GRID1: variants seen among roughly 807,000 people sequenced by gnomAD.
GRID1 encodes the protein glutamate ionotropic receptor delta type subunit 1.
GRID1 carries 28 observed loss-of-function variants against 98.0 expected under a neutral mutation model. The observed-to-expected ratio is 0.29, with a 90% CI of 0.21 to 0.39. The LOEUF (loss-of-function observed/expected upper bound fraction) is 0.39, where lower values mean the gene tolerates loss of function less well. GRID1 is among the 10% of genes least tolerant of loss of function. The pLI is 1.00. For synonymous variants in GRID1, 553 were observed against 538.5 expected (o/e 1.03, Z -0.37); for missense variants, 1,111 against 1,340.5 (o/e 0.83, Z 2.67).
At chr10:86,025,395 T>A (rs951879045) in intron 4 of GRID1, among the ~76,000 whole-genome samples, 1 of 152,000 alleles carries the variant, frequency 6.6e-6, no homozygotes, top group Non-Finnish European at 1.5e-5. Flanking sequence ...CCAACAAGAG[T>A]AACTTGACTC....
chr10:85,819,908 G>A lies in GRID1; in HGVS notation c.1233+34588C>T, dbSNP rs1239271017. ...TAGCCTGGGCGAAAAGAGCAAAACTGTCAAGAAAGAAAGAGAGAATGAGAG... is the reference window on the plus strand; with the variant it reads ...TAGCCTGGGCGAAAAGAGCAAAACTATCAAGAAAGAAAGAGAGAATGAGAG... On this transcript the variant is annotated intron_variant, in intron 8 of 15. Coordinates refer to ENST00000327946, the MANE Select transcript of GRID1 (RefSeq NM_017551.3). Among the ~76,000 whole-genome samples the A allele has an allele frequency of 2.0e-5, 3 of 149,556 alleles. No homozygotes were observed. The Admixed American group carries it at 2.0e-4, about 10-fold the overall frequency.
At chr10:86,080,791 G>A (rs1843966331) in intron 4 of GRID1, among the ~76,000 whole-genome samples, 1 of 152,188 alleles carries the variant, frequency 6.6e-6, no homozygotes, top group African/African-American at 2.4e-5. Context: ...GACGACTGGA[G>A]CTTCCTCTAG....
chr10:86,148,565 A>G (rs1845118343), intron 3 of GRID1, among the ~76,000 whole-genome samples: 1 of 152,232 alleles, frequency 6.6e-6, no homozygotes, highest in Non-Finnish European at 1.5e-5. Flanking sequence ...ACTATAGTTA[A>G]TAACAATATA....
intron 4 of GRID1, among the ~76,000 whole-genome samples, chr10:86,024,292 A>G (rs1426851524): frequency 3.9e-5 from 6 of 152,194 alleles, no homozygotes; most frequent in African/African-American, 1.2e-4. Context: ...CGACCCATTT[A>G]AACACCTCAG....
At chr10:85,765,078 C>T (rs971715674) in intron 8 of GRID1, among the ~76,000 whole-genome samples, 8 of 152,050 alleles carry the variant, frequency 5.3e-5, no homozygotes, top group South Asian at 2.1e-4. Context: ...TGAATATATC[C>T]CATTTAATCC....
intron 4 of GRID1, among the ~76,000 whole-genome samples, chr10:86,086,066 C>G (rs1844051289): frequency 6.6e-6 from 1 of 152,118 alleles, no homozygotes; most frequent in Non-Finnish European, 1.5e-5. Flanking sequence ...CCCCATGTCC[C>G]CAGGGCTGAC....
chr10:85,810,445 A>T (rs1425433916), intron 8 of GRID1, among the ~76,000 whole-genome samples: 1 of 151,988 alleles, frequency 6.6e-6, no homozygotes, highest in Non-Finnish European at 1.5e-5. Context: ...GGCTAGACAC[A>T]CCCTTGAGCT....
At chr10:86,285,889 G>A (rs748687625) in intron 2 of GRID1, among the ~76,000 whole-genome samples, 9 of 152,174 alleles carry the variant, frequency 5.9e-5, no homozygotes, top group Non-Finnish European at 7.3e-5. Flanking sequence ...GAGCAAAACC[G>A]TATTTGAGAA....
At chr10:85,847,256 G>T (rs566210326) in intron 8 of GRID1, among the ~76,000 whole-genome samples, 1 of 152,274 alleles carries the variant, frequency 6.6e-6, no homozygotes, top group African/African-American at 2.4e-5. Context: ...TAGTCATTCT[G>T]AAATTATGAG....
chr10:85,818,695 A>C (rs1406955073), intron 8 of GRID1, among the ~76,000 whole-genome samples: 1 of 151,756 alleles, frequency 6.6e-6, no homozygotes, highest in Non-Finnish European at 1.5e-5. Flanking sequence ...AGTTCCCAGT[A>C]ACCAAAGCCA....
intron 5 of GRID1, among the ~76,000 whole-genome samples, chr10:85,873,442 T>C (rs1348482440): frequency 6.6e-6 from 1 of 152,226 alleles, no homozygotes; most frequent in African/African-American, 2.4e-5. Flanking sequence ...AAAATAAGCC[T>C]TTTGTATTTT....
chr10:85,889,721 G>C (rs1354417238), intron 5 of GRID1, among the ~76,000 whole-genome samples: 1 of 152,068 alleles, frequency 6.6e-6, no homozygotes, highest in Non-Finnish European at 1.5e-5. Context: ...CTGGTTCATA[G>C]GGTAGTTATA....
intron 12 of GRID1, among the ~76,000 whole-genome samples, chr10:85,695,757 C>A (rs1170031537): frequency 6.6e-6 from 1 of 151,892 alleles, no homozygotes; most frequent in Non-Finnish European, 1.5e-5. Context: ...TAAGAAAAAC[C>A]AAAACCAACC....
intron 2 of GRID1, among the ~76,000 whole-genome samples, chr10:86,332,445 T>C (rs558226869): frequency 1.4e-4 from 22 of 152,210 alleles, no homozygotes; most frequent in African/African-American, 4.8e-5. Flanking sequence ...CCCAGGGGTC[T>C]GCTGGGGCTT....
At chr10:86,116,721 T>C (rs1844587095) in intron 4 of GRID1, among the ~76,000 whole-genome samples, 1 of 151,158 alleles carries the variant, frequency 6.6e-6, no homozygotes, top group Non-Finnish European at 1.5e-5. Context: ...CCACCATTTA[T>C]GGGGAGAGGA....
At chr10:86,142,936 T>G (rs1264968362) in intron 3 of GRID1, among the ~76,000 whole-genome samples, 2 of 152,208 alleles carry the variant, frequency 1.3e-5, no homozygotes, top group Non-Finnish European at 2.9e-5. Flanking sequence ...TTGGCACCCA[T>G]GAGTACACAA....
rs529045998 is a variant in GRID1, at chr10:86,067,591, G to A, written c.726+71228C>T. 6.6e-5 allele frequency among the ~76,000 whole-genome samples: 10 copies of A among 152,310 alleles called. No individual in the cohort carries two copies. The South Asian group carries it at 1.7e-3, about 25-fold the overall frequency. On this transcript the variant is annotated intron_variant, in intron 4 of 15. Coordinates refer to ENST00000327946, the MANE Select transcript of GRID1 (RefSeq NM_017551.3). ...AAAATAGGCAAGGGGAAGGTGACAG[G>A]CACTGCGGTTCCCCACCCAGATCCC...
intron 4 of GRID1, among the ~76,000 whole-genome samples, chr10:86,131,840 G>A (rs1490538078): frequency 6.6e-6 from 1 of 152,136 alleles, no homozygotes. Flanking sequence ...TCTAGACAAC[G>A]TTTGTGTGGG....
chr10:86,106,477 A>C (rs926904785), intron 4 of GRID1, among the ~76,000 whole-genome samples: 1 of 150,802 alleles, frequency 6.6e-6, no homozygotes, highest in African/African-American at 2.4e-5. Flanking sequence ...GGATGGAGGG[A>C]GGGGCCTGCT....
Sources: allele counts gnomAD v4.1 joint callset (sites outside exome capture counted in the v4.1 genomes callset), GRCh38; gene constraint gnomAD v4.1.1; transcripts MANE v1.5; gene names NCBI Gene and HGNC (gene_info 2026-07-23, HGNC 2026-07-21).